Variants in PRKG1 observed in about 807,000 individuals in gnomAD.
PRKG1 encodes cGMP-dependent protein kinase 1.
PRKG1 carries 35 observed loss-of-function variants against 88.1 expected under a neutral mutation model. The observed-to-expected ratio is 0.40, with a 90% confidence interval of 0.30 to 0.53. PRKG1 has a LOEUF of 0.53. PRKG1 is among the 20% of genes least tolerant of loss of function. The pLI is 0.59. For missense variants in PRKG1, 540 were observed against 839.8 expected (o/e 0.64, Z 4.41); for synonymous variants, 303 against 292.5 (o/e 1.04, Z -0.37).
At chr10:51,654,516 A>T (rs947573450) in intron 3 of PRKG1, among the ~76,000 whole-genome samples, 2 of 152,022 alleles carry the variant, frequency 1.3e-5, no homozygotes, top group African/African-American at 4.8e-5. Flanking sequence ...ATGGTCTTCT[A>T]TGGTTTTTTA....
In PRKG1 at chr10:51,554,190, A is replaced by ATATGTGCGTATGTGATATGTGTATATAT. The variant is rs1259293156; in HGVS notation, c.592+86357_592+86358insGTGCGTATGTGATATGTGTATATATTAT. ...TGCGTATGTGATATGTGTATATATT[A>ATATGTGCGTATGTGATATGTGTATATAT]TATATGTGCGTATGTGATATATGTA... is the stretch of plus-strand genomic sequence containing the variant. On this transcript the variant is annotated intron_variant, in intron 3 of 17. Coordinates refer to ENST00000373980, the MANE Select transcript of PRKG1 (RefSeq NM_006258.4). Among the ~76,000 whole-genome samples, 9 of 139,508 alleles carry ATATGTGCGTATGTGATATGTGTATATAT rather than the reference A, an allele frequency of 6.5e-5. No individual in the cohort carries two copies. The East Asian group carries it at 6.5e-4, about 10-fold the overall frequency. The allele number at this position is 139,508 out of a possible 152,430, so 91.5% of individuals were successfully genotyped here.
intron 7 of PRKG1, among the ~76,000 whole-genome samples, chr10:52,116,605 A>G (rs1399795065): frequency 1.3e-5 from 2 of 151,968 alleles, no homozygotes; most frequent in Non-Finnish European, 2.9e-5. Context: ...AATCCTTGAG[A>G]AACTTTCCAA....
intron 2 of PRKG1, among the ~76,000 whole-genome samples, chr10:51,442,561 T>G (rs1253804855): frequency 6.6e-6 from 1 of 152,020 alleles, no homozygotes; most frequent in African/African-American, 2.4e-5. Flanking sequence ...GAGTGTATAA[T>G]CTGAAGATAC....
intron 3 of PRKG1, among the ~76,000 whole-genome samples, chr10:51,654,095 A>G (rs1381943498): frequency 6.6e-6 from 1 of 152,106 alleles, no homozygotes; most frequent in Non-Finnish European, 1.5e-5. Context: ...AAAAAAAATC[A>G]CTGCCCAGAT....
At chr10:52,042,600 G>A (rs1845777020) in intron 5 of PRKG1, among the ~76,000 whole-genome samples, 1 of 151,952 alleles carries the variant, frequency 6.6e-6, no homozygotes, top group African/African-American at 2.4e-5. Context: ...TTAAACATAA[G>A]ACCCAAAACT....
Position 51,004,070 on chromosome 10 carries a change from T to C in PRKG1, c.266+12426T>C, listed in dbSNP as rs74133928. Among the ~76,000 whole-genome samples the C allele has an allele frequency of 1.9e-3, 289 of 152,238 alleles. 2 individuals carry two copies. Among genetic ancestry groups the C allele is most frequent in the African/African-American group, 6.7e-3 (277 of 41,552 alleles). On this transcript the variant is annotated intron_variant, in intron 1 of 17. Coordinates refer to the PRKG1 transcript ENST00000401604. Reference sequence around the variant, plus strand: ...TAGGATTAATTCCAAACAGTGAGAGTCCTAGGTCAAAAAAACTATTAATAT... The same window carrying C: ...TAGGATTAATTCCAAACAGTGAGAGCCCTAGGTCAAAAAAACTATTAATAT...
chr10:51,903,997 C>A (rs1244309717), intron 4 of PRKG1, among the ~76,000 whole-genome samples: 8 of 152,044 alleles, frequency 5.3e-5, no homozygotes, highest in Non-Finnish European at 1.2e-4. Flanking sequence ...CAGTGCCTGG[C>A]AAATAGAAAC....
At chr10:51,454,784 T>A (rs905277270) in intron 2 of PRKG1, among the ~76,000 whole-genome samples, 1 of 152,132 alleles carries the variant, frequency 6.6e-6, no homozygotes, top group African/African-American at 2.4e-5. Flanking sequence ...GATTCAGTTA[T>A]CTCCCACTGG....
chr10:51,370,201 G>A (rs948826403), intron 2 of PRKG1, among the ~76,000 whole-genome samples: 3 of 152,046 alleles, frequency 2.0e-5, no homozygotes, highest in Admixed American at 6.6e-5. Flanking sequence ...TGCTCTTTCC[G>A]GAGGGGTAAA....
chr10:51,330,873 G>C (rs895184919), intron 2 of PRKG1, among the ~76,000 whole-genome samples: 2 of 152,168 alleles, frequency 1.3e-5, no homozygotes, highest in Non-Finnish European at 2.9e-5. Context: ...GCATATTTGA[G>C]GAATTAGGTA....
intron 2 of PRKG1, among the ~76,000 whole-genome samples, chr10:51,441,938 C>A (rs1249847042): frequency 6.6e-6 from 1 of 151,870 alleles, no homozygotes; most frequent in Non-Finnish European, 1.5e-5. Flanking sequence ...ATTTCGGCAT[C>A]TGTCCCTTTA....
intron 3 of PRKG1, among the ~76,000 whole-genome samples, chr10:51,597,748 G>T (rs897052974): frequency 6.6e-6 from 1 of 152,064 alleles, no homozygotes; most frequent in African/African-American, 2.4e-5. Context: ...AGAAGTGTGA[G>T]AATTGTACTG....
chr10:51,760,724 G>A (rs189523335), intron 3 of PRKG1, among the ~76,000 whole-genome samples: 79 of 151,934 alleles, frequency 5.2e-4, no homozygotes, highest in Admixed American at 8.5e-4. Flanking sequence ...TGTCTGCCTC[G>A]GCTTCCCGTG....
chr10:51,173,750 A>G (rs1459435621), intron 2 of PRKG1, among the ~76,000 whole-genome samples: 4 of 151,876 alleles, frequency 2.6e-5, no homozygotes, highest in Non-Finnish European at 5.9e-5. Context: ...TCCATATCAT[A>G]AAATTACTAG....
At chr10:51,804,530 G>A (rs1456658533) in intron 3 of PRKG1, 55 bp from the exon 4 acceptor site, 25 of 1,247,722 alleles carry the variant, frequency 2.0e-5, no homozygotes, top group Non-Finnish European at 2.9e-5. Context: ...GTTGTTCACA[G>A]TTGAAATTCT....
intron 3 of PRKG1, among the ~76,000 whole-genome samples, chr10:51,656,250 T>G (rs985464938): frequency 6.6e-6 from 1 of 152,210 alleles, no homozygotes; most frequent in Admixed American, 6.6e-5. Flanking sequence ...TACAGTTGTA[T>G]GATGCATTTT....
rs114773790 is a variant in PRKG1, at chr10:52,127,711, G to A, written c.936-6129G>A. 6.8e-3 allele frequency among the ~76,000 whole-genome samples: 1,031 copies of A among 152,262 alleles called. 8 individuals carry two copies. Among genetic ancestry groups the A allele is most frequent in the African/African-American group, 0.024 (999 of 41,552 alleles). On this transcript the variant is annotated intron_variant, in intron 7 of 17. Coordinates refer to ENST00000373980, the MANE Select transcript of PRKG1 (RefSeq NM_006258.4). ...GATGATGACCATGATCATGATGATT[G>A]TCACTAACATTTATTGGTTGATTAC... is the stretch of plus-strand genomic sequence containing the variant.
intron 2 of PRKG1, among the ~76,000 whole-genome samples, chr10:51,288,885 AT>A (rs1282819231): frequency 6.6e-6 from 1 of 152,086 alleles, no homozygotes; most frequent in Non-Finnish European, 1.5e-5. Context: ...TTCAGCACTA[AT>A]TTCTGGGGTG....
intron 2 of PRKG1, among the ~76,000 whole-genome samples, chr10:51,164,485 G>A (rs1309096769): frequency 6.6e-6 from 1 of 152,198 alleles, no homozygotes; most frequent in Non-Finnish European, 1.5e-5. Flanking sequence ...CCAAAAAGCA[G>A]AGCGCCTCTC....
Sources: allele counts gnomAD v4.1 joint callset (sites outside exome capture counted in the v4.1 genomes callset), GRCh38; gene constraint gnomAD v4.1.1; transcripts MANE v1.5; gene names NCBI Gene and HGNC (gene_info 2026-07-23, HGNC 2026-07-21).